ABTB1: variants seen among roughly 807,000 people sequenced by gnomAD.
ABTB1 encodes the protein ankyrin repeat and BTB/POZ domain-containing protein 1.
A neutral mutation model predicts 57.1 loss-of-function variants in ABTB1; 45 were observed. The observed-to-expected ratio is 0.79, with a 90% CI of 0.62 to 1.01. The LOEUF is 1.01. Ranked by LOEUF, ABTB1 falls within the 50% of genes least tolerant of loss-of-function variation. The pLI is 0.00. For synonymous variants in ABTB1, 302 were observed against 275.4 expected (o/e 1.10, Z -0.95); for missense variants, 630 against 666.3 (o/e 0.95, Z 0.60).
rs1053328202 is a variant in ABTB1, at chr3:127,677,669, C to T, written c.862-7C>T. On this transcript the variant is annotated splice_region_variant and splice_polypyrimidine_tract_variant and intron_variant, in intron 9 of 11. Coordinates refer to ENST00000232744, the MANE Select transcript of ABTB1 (RefSeq NM_172027.3). ...CCCTCACACTTCCTGAGCCCGGCCTCCCCCAGGCCTTTTTCTGTGGCCGCA... is the reference window on the plus strand; with the variant it reads ...CCCTCACACTTCCTGAGCCCGGCCTTCCCCAGGCCTTTTTCTGTGGCCGCA... 1.9e-6 allele frequency: 3 copies of T among 1,611,246 alleles called. No individual in the cohort carries two copies. In the African/African-American group the frequency reaches 4.0e-5, roughly 22 times the overall value.
chr3:127,679,332 C>T (rs967215799), intron 10 of ABTB1: 4 of 346,496 alleles, frequency 1.2e-5, no homozygotes, highest in Admixed American at 3.8e-5. Context: ...GCACATGGCA[C>T]ATGGCTTGTA....
rs772583117 is a variant in ABTB1, at chr3:127,680,553, T to C, written c.*78T>C. On this transcript the variant is annotated 3_prime_UTR_variant, in exon 12 of 12. Transcript: ENST00000232744. ...TGTATGCGTTTGTGTGCAGCTCTTC[T>C]TCCTGCTCCCTGCACATTGAGGGCT... is the stretch of plus-strand genomic sequence containing the variant. 139 of 1,534,066 alleles carry C rather than the reference T, an allele frequency of 9.1e-5. No homozygotes were observed. The highest frequency in any genetic ancestry group is 1.2e-4 in the Non-Finnish European group (137 of 1,122,454).
chr3:127,677,911 G>A, intron 10 of ABTB1, 68 bp downstream of exon 10: 1 of 1,549,446 alleles, frequency 6.5e-7, no homozygotes, highest in Non-Finnish European at 8.7e-7. Flanking sequence ...GGGAGCGCCA[G>A]GGCCCTGGGG....
Position 127,676,035 on chromosome 3 carries a change from A to G in ABTB1, c.241A>G (p.Ile81Val), listed in dbSNP as rs764295882. 6.2e-7 allele frequency: 1 copy of G among 1,612,958 alleles called. No homozygotes were observed. The highest frequency in any genetic ancestry group is 1.7e-5 in the Admixed American group (1 of 59,978). The change falls in exon 4 of 12, where the codon ATC (isoleucine) becomes GTC (valine). Residue 81 changes from isoleucine (I) to valine (V), a missense_variant. Transcript: ENST00000232744. This position sits in a 1 kb window ranked among gnomAD's most constrained non-coding sequence, Gnocchi z 5.4. ...CCTCTATGGGGCACTGAGTGACCCC[A>G]TCCGCCGGGCTCTACGCGATTACAA... The part of the protein sequence containing the change: ...RCLYGALSDP[I>V]RRALRDYKQV...
chr3:127,675,736 GTT>G, intron 3 of ABTB1: 1 of 588,076 alleles, frequency 1.7e-6, no homozygotes. Context: ...TCCGTTCTGT[GTT>G]GTCTGTCTTC....
At chr3:127,677,334 C>T (rs777522970) in intron 8 of ABTB1, 48 bp downstream of exon 8, 30 of 1,562,360 alleles carry the variant, frequency 1.9e-5, no homozygotes, top group Middle Eastern at 3.5e-4. Context: ...GATGGCAGGC[C>T]GTGACAGGCA....
At chr3:127,673,129 G>C (rs754860349) in intron 1 of ABTB1, 48 bp downstream of exon 1, 1 of 1,482,748 alleles carries the variant, frequency 6.7e-7, no homozygotes, top group South Asian at 1.3e-5. Flanking sequence ...GGCCGCCCTC[G>C]GAACGCCTCG....
In ABTB1 at chr3:127,676,940, G is replaced by A; in HGVS notation, c.527-27G>A. The A allele has an allele frequency of 6.2e-7, 1 of 1,607,368 alleles. No homozygotes were observed. ...GCCTGATGACAGCTGAGGTCCCGCA[G>A]GCCCTCATCCTCCCCACTGCCCCCA... is the stretch of plus-strand genomic sequence containing the variant. On this transcript the variant is annotated intron_variant, in intron 6 of 11. Transcript: ENST00000232744. This position sits in a 1 kb window ranked among gnomAD's most constrained non-coding sequence, Gnocchi z 5.4.
chr3:127,678,948 T>C (rs897960900), intron 10 of ABTB1: 1 of 153,186 alleles, frequency 6.5e-6, no homozygotes, highest in African/African-American at 2.4e-5. Flanking sequence ...CTATCTCCAG[T>C]GGCAGCTCCC....
In ABTB1 at chr3:127,677,776, C is replaced by T; in HGVS notation, c.962C>T (p.Thr321Ile). The change falls in exon 10 of 12, where the codon ACC (threonine) becomes ATC (isoleucine). Residue 321 changes from threonine to isoleucine, a missense_variant. By Grantham distance (89) the Thr-to-Ile change is moderately conservative. This residue lies in a region of ABTB1 where 579 missense variants were observed against 585.9 expected (regional missense o/e 0.99). Transcript: ENST00000232744. ...PATSGGPPAV[T>I]LHGISPDVFT... ...ACCTCAGGGGGCCCCCCAGCCGTCA[C>T]CCTGCATGGCATCTCACCCGACGTC... is the stretch of plus-strand genomic sequence containing the variant. The T allele has an allele frequency of 1.2e-6, 2 of 1,612,536 alleles. No homozygotes were observed. The highest frequency in any genetic ancestry group is 1.7e-6 in the Non-Finnish European group (2 of 1,179,562).
rs1233549788 is a variant in ABTB1, at chr3:127,676,616, G to T, written c.526+35G>T. 1.9e-6 allele frequency: 3 copies of T among 1,611,870 alleles called. No homozygotes were observed. Among genetic ancestry groups the T allele is most frequent in the South Asian group, 1.1e-5 (1 of 91,002 alleles). ...TGGGTCCAGGGTAGGAGGAGAGGGA[G>T]TGGGCCGTCCTTCTGGACAGCAGTA... On this transcript the variant is annotated intron_variant, in intron 6 of 11. Coordinates refer to ENST00000232744, the MANE Select transcript of ABTB1 (RefSeq NM_172027.3). This position sits in a 1 kb window ranked among gnomAD's most constrained non-coding sequence, Gnocchi z 5.4.
chr3:127,676,158 C>T lies in ABTB1; in HGVS notation c.320+44C>T. On this transcript the variant is annotated intron_variant, in intron 4 of 11. Coordinates refer to ENST00000232744, the MANE Select transcript of ABTB1 (RefSeq NM_172027.3). This position sits in a 1 kb window ranked among gnomAD's most constrained non-coding sequence, Gnocchi z 5.4. ...GGGGTGCAGCATGGGGTGCGGTGGCCCTGGTGGGTGTGGCGAGTCTGCTCT... is the reference window on the plus strand; with the variant it reads ...GGGGTGCAGCATGGGGTGCGGTGGCTCTGGTGGGTGTGGCGAGTCTGCTCT... The T allele has an allele frequency of 6.2e-7, 1 of 1,608,694 alleles. No individual in the cohort carries two copies. The highest frequency in any genetic ancestry group is 8.5e-7 in the Non-Finnish European group (1 of 1,176,510).
In ABTB1 at chr3:127,676,058, C is replaced by G; in HGVS notation, c.264C>G (p.Tyr88Ter). The G allele has an allele frequency of 1.2e-6, 2 of 1,613,370 alleles. No individual in the cohort carries two copies. The highest frequency in any genetic ancestry group is 1.1e-5 in the South Asian group (1 of 91,068). ...SDPIRRALRD[Y>*]KQVTASCRRR... is the part of the protein sequence containing the mutation. The stretch of plus-strand genomic sequence containing the variant: ...CCATCCGCCGGGCTCTACGCGATTA[C>G]AAGCAGGTCACGGCTTCCTGCAGGA... The change falls in exon 4 of 12, where the codon TAC becomes TAG. Residue 88 changes from tyrosine to a stop codon, truncating the protein, a stop_gained. Transcript: ENST00000232744. LOFTEE classifies it high-confidence loss of function. The surrounding 1 kb of genome is among the most constrained non-coding windows in gnomAD (Gnocchi z 5.4).
chr3:127,676,823 T>C lies in ABTB1; in HGVS notation c.527-144T>C. On this transcript the variant is annotated intron_variant, in intron 6 of 11. Coordinates refer to ENST00000232744, the MANE Select transcript of ABTB1 (RefSeq NM_172027.3). The surrounding 1 kb of genome is among the most constrained non-coding windows in gnomAD (Gnocchi z 5.4). ...GTTCCCTGGGGCCTGTAGAACAGCTTTTGATGGGGAAACCATGGTGGCAAG... is the reference window on the plus strand; with the variant it reads ...GTTCCCTGGGGCCTGTAGAACAGCTCTTGATGGGGAAACCATGGTGGCAAG... 1.1e-6 allele frequency: 1 copy of C among 915,620 alleles called. No individual in the cohort carries two copies. The highest frequency in any genetic ancestry group is 1.6e-6 in the Non-Finnish European group (1 of 610,578). The allele number at this position is 915,620 out of a possible 1,614,324, so 56.7% of individuals were successfully genotyped here.
intron 8 of ABTB1, 43 bp downstream of exon 8, chr3:127,677,329 C>T: frequency 6.4e-7 from 1 of 1,557,296 alleles, no homozygotes; most frequent in Admixed American, 1.7e-5. Flanking sequence ...TTTGGGATGG[C>T]AGGCCGTGAC....
chr3:127,677,798 C>T lies in ABTB1; in HGVS notation c.984C>T (p.Asp328=), dbSNP rs778320415. ...PAVTLHGISP[D]VFTHVLYYMY... Reference sequence around the variant, plus strand: ...TCACCCTGCATGGCATCTCACCCGACGTCTTCACTCACGTGCTCTACTACA... The same window carrying T: ...TCACCCTGCATGGCATCTCACCCGATGTCTTCACTCACGTGCTCTACTACA... Residue 328 remains aspartate, a synonymous_variant, in exon 10 of 12, where the codon GAC becomes GAT. Coordinates refer to ENST00000232744, the MANE Select transcript of ABTB1 (RefSeq NM_172027.3). 24 of 1,612,574 alleles carry T rather than the reference C, an allele frequency of 1.5e-5. No individual in the cohort carries two copies. In the Admixed American group the frequency reaches 2.2e-4, roughly 15 times the overall value.
chr3:127,674,149 G>A lies in ABTB1; in HGVS notation c.57-242G>A, dbSNP rs1166223761. The A allele has an allele frequency of 5.4e-6, 3 of 556,088 alleles. No individual in the cohort carries two copies. The African/African-American group carries it at 5.7e-5, about 10-fold the overall frequency. 34.4% of individuals were successfully genotyped at this position (556,088 alleles called of 1,614,324 possible). ...GGCACTGGCTCTGGCTTCTGTCCCT[G>A]TAGCCCATCGTCCCCCAGCACTGAT... is the stretch of plus-strand genomic sequence containing the variant. On this transcript the variant is annotated intron_variant, in intron 1 of 11. Coordinates refer to ENST00000232744, the MANE Select transcript of ABTB1 (RefSeq NM_172027.3).
At chr3:127,675,713 A>G (rs2074965041) in intron 3 of ABTB1, 1 of 551,752 alleles carries the variant, frequency 1.8e-6, no homozygotes, top group African/African-American at 1.9e-5. Flanking sequence ...AAGCCCAGCC[A>G]CCAAGTCAGC....
At chr3:127,679,906 C>G in intron 10 of ABTB1, 79 bp from the exon 11 acceptor site, 1 of 1,464,582 alleles carries the variant, frequency 6.8e-7, no homozygotes. Context: ...CCAACCACCA[C>G]AGGCCCTAGC....
Sources: allele counts gnomAD v4.1 joint callset, GRCh38; gene constraint gnomAD v4.1.1; regional missense constraint gnomAD v4.1.1; non-coding constraint Gnocchi (gnomAD v3.1); transcripts MANE v1.5; gene names NCBI Gene and HGNC (gene_info 2026-07-23, HGNC 2026-07-21).